The following SLC16A4 variants were observed in gnomAD, a reference collection of about 807,000 sequenced individuals.
SLC16A4 encodes solute carrier family 16 member 4, also known as probable monocarboxylate transporter 5.
SLC16A4 carries 39 observed loss-of-function variants against 47.9 expected under a neutral mutation model. The observed-to-expected ratio is 0.81, with a 90% CI of 0.63 to 1.06. The LOEUF (loss-of-function observed/expected upper bound fraction) is 1.06, where lower values mean the gene tolerates loss of function less well. SLC16A4 is among the 50% of genes least tolerant of loss of function. The pLI is 0.00. For missense variants in SLC16A4, 524 were observed against 573.8 expected (o/e 0.91, Z 0.89); for synonymous variants, 189 against 199.9 (o/e 0.95, Z 0.46).
Position 110,381,715 on chromosome 1 carries a change from A to G in SLC16A4, c.301T>C (p.Tyr101His). 6.2e-7 allele frequency: 1 copy of G among 1,613,856 alleles called. No homozygotes were observed. Among genetic ancestry groups the G allele is most frequent in the Non-Finnish European group, 8.5e-7 (1 of 1,179,894 alleles). ...ILGAFVVTGG[Y>H]LISSWATSIP... ...CTTGTGGCCCAGCTGCTGATCAGATATCCACCAGTAACAACGAAAGCCCCA... is the reference window on the plus strand; with the variant it reads ...CTTGTGGCCCAGCTGCTGATCAGATGTCCACCAGTAACAACGAAAGCCCCA... Residue 101 changes from tyrosine to histidine, a missense_variant, in exon 4 of 9, where the codon TAT (tyrosine) becomes CAT (histidine). Physicochemically the swap from Tyr to His is moderately conservative, Grantham distance 83. Coordinates refer to ENST00000369779, the MANE Select transcript of SLC16A4 (RefSeq NM_004696.3).
intron 6 of SLC16A4, among the ~76,000 whole-genome samples, 155 bp downstream of exon 6, chr1:110,378,698 C>T (rs189629644): frequency 6.6e-6 from 1 of 152,178 alleles, no homozygotes; most frequent in African/African-American, 2.4e-5. Context: ...CTGGGAAATG[C>T]CCAGGTGCTC....
In SLC16A4 at chr1:110,377,169, A is replaced by G. The variant is rs1662055385; in HGVS notation, c.1031-8T>C. 6.2e-7 allele frequency: 1 copy of G among 1,608,866 alleles called. No individual in the cohort carries two copies. Among genetic ancestry groups the G allele is most frequent in the South Asian group, 1.1e-5 (1 of 90,694 alleles). On this transcript the variant is annotated splice_region_variant and splice_polypyrimidine_tract_variant and intron_variant, in intron 6 of 8. Transcript: ENST00000369779. ...TGACCGTCTCAAGGATACCTGGAAC[A>G]ATATTGAAATCTTTTTATTTTCCTG...
intron 6 of SLC16A4, among the ~76,000 whole-genome samples, chr1:110,377,971 A>G (rs1419450103): frequency 2.0e-5 from 3 of 152,024 alleles, no homozygotes; most frequent in Non-Finnish European, 4.4e-5. Context: ...CTGCTACTAC[A>G]GGCGCCCGCA....
At chr1:110,365,358 G>A (rs1661325386) in intron 8 of SLC16A4, among the ~76,000 whole-genome samples, 1 of 151,882 alleles carries the variant, frequency 6.6e-6, no homozygotes, top group Non-Finnish European at 1.5e-5. Flanking sequence ...GGACACAGAG[G>A]AGATGAGACA....
Position 110,378,974 on chromosome 1 carries a change from T to A in SLC16A4, c.909A>T (p.Ile303=). ...ISLFRNPFFY[I]FTWSFLLSQL... is the part of the protein sequence containing the mutation. ...GACTGAGGAGAAAAGACCAAGTAAA[T>A]ATGTAGAAGAAAGGATTTCTAAAGA... The change falls in exon 6 of 9, where the codon ATA becomes ATT. Residue 303 remains isoleucine, a synonymous_variant. Transcript: ENST00000369779. The A allele has an allele frequency of 6.2e-7, 1 of 1,614,102 alleles. No homozygotes were observed. Among genetic ancestry groups the A allele is most frequent in the Non-Finnish European group, 8.5e-7 (1 of 1,180,008 alleles).
At chr1:110,369,769 T>G (rs975614085) in intron 8 of SLC16A4, among the ~76,000 whole-genome samples, 5 of 152,166 alleles carry the variant, frequency 3.3e-5, no homozygotes, top group African/African-American at 4.8e-5. Context: ...CTCTCATCCC[T>G]GGGGCCACTG....
At position 110,380,116 on chromosome 1, in the gene SLC16A4, A is replaced by G. The variant is rs369989098; in HGVS notation, c.527-760T>C. ...GGCATGGATAGCCTTTCATCCCATG[A>G]CATTTTTTAGATCTTCCTTAAAAGA... On this transcript the variant is annotated intron_variant, in intron 5 of 8. Coordinates refer to ENST00000369779, the MANE Select transcript of SLC16A4 (RefSeq NM_004696.3). Among the ~76,000 whole-genome samples the G allele has an allele frequency of 2.4e-4, 36 of 150,536 alleles. No individual in the cohort carries two copies. The South Asian group carries it at 6.1e-3, about 26-fold the overall frequency.
rs1437198556 is a variant in SLC16A4, at chr1:110,362,873, T to C, written c.*893A>G. 1 of 152,178 alleles carries C rather than the reference T, an allele frequency of 6.6e-6. No homozygotes were observed. Among genetic ancestry groups the C allele is most frequent in the Non-Finnish European group, 1.5e-5 (1 of 68,040 alleles). 9.4% of individuals were successfully genotyped at this position (152,178 alleles called of 1,614,324 possible). On this transcript the variant is annotated 3_prime_UTR_variant, in exon 9 of 9. Coordinates refer to ENST00000369779, the MANE Select transcript of SLC16A4 (RefSeq NM_004696.3). Reference sequence around the variant, plus strand: ...TTTTTAAAGCAATTTTTATATACTTTTTATTATTTAGCAATACATGTTTAT... The same window carrying C: ...TTTTTAAAGCAATTTTTATATACTTCTTATTATTTAGCAATACATGTTTAT...
At position 110,384,991 on chromosome 1, in the gene SLC16A4, CGACAGTGA is replaced by C. The variant is rs1662658362; in HGVS notation, c.88-2033_88-2026del. On this transcript the variant is annotated intron_variant, in intron 2 of 8. Transcript: ENST00000369779. ...TCACACTACTGCACTCCAGCCTGGG[CGACAGTGA>C]GACCTTGTCTCAAAATTAATAATAA... 2.0e-5 allele frequency among the ~76,000 whole-genome samples: 3 copies of C among 152,190 alleles called. No individual in the cohort carries two copies. In the South Asian group the frequency reaches 6.2e-4, roughly 32 times the overall value.
chr1:110,368,089 A>G (rs570308778), intron 8 of SLC16A4, among the ~76,000 whole-genome samples: 2 of 152,298 alleles, frequency 1.3e-5, no homozygotes, highest in South Asian at 2.1e-4. Context: ...CGGCCTCCCA[A>G]AGTGCTGGGA....
At chr1:110,371,575 G>T (rs775444750) in intron 8 of SLC16A4, 1 of 152,144 alleles carries the variant, frequency 6.6e-6, no homozygotes, top group African/African-American at 2.4e-5. Context: ...GAGAAATAAG[G>T]CTTAAAATAT....
intron 8 of SLC16A4, chr1:110,371,257 A>G (rs528773269): frequency 1.3e-5 from 2 of 152,336 alleles, no homozygotes; most frequent in East Asian, 3.8e-4. Flanking sequence ...TATGTATATT[A>G]GCATACTGTA....
chr1:110,383,300 T>C (rs568957853), intron 2 of SLC16A4, among the ~76,000 whole-genome samples: 2 of 152,306 alleles, frequency 1.3e-5, no homozygotes, highest in South Asian at 2.1e-4. Flanking sequence ...AAGACAGGAA[T>C]TGCAATAGAG....
At chr1:110,373,406 T>A (rs1375085549) in intron 8 of SLC16A4, among the ~76,000 whole-genome samples, 1 of 152,182 alleles carries the variant, frequency 6.6e-6, no homozygotes, top group East Asian at 1.9e-4. Context: ...TTCACTGTCC[T>A]GGGTACTAGC....
Position 110,378,869 on chromosome 1 carries a change from G to T in SLC16A4, c.1014C>A (p.Tyr338Ter). The T allele has an allele frequency of 3.1e-6, 5 of 1,612,732 alleles. No homozygotes were observed. Among genetic ancestry groups the T allele is most frequent in the Non-Finnish European group, 3.4e-6 (4 of 1,179,200 alleles). Residue 338 changes from tyrosine to a stop codon, truncating the protein, a stop_gained, in exon 6 of 9, where the codon TAC becomes TAA. Transcript: ENST00000369779. LOFTEE classifies it high-confidence loss of function. ...TLGIDIMDAS[Y>*]LVSVAGILET... is the part of the protein sequence containing the mutation. ...CTTTCTTACCTGCTACAGAAACAAGGTAAGAGGCATCCATGATGTCAATCC... is the reference window on the plus strand; with the variant it reads ...CTTTCTTACCTGCTACAGAAACAAGTTAAGAGGCATCCATGATGTCAATCC...
chr1:110,365,531 A>T (rs1324239125), intron 8 of SLC16A4, among the ~76,000 whole-genome samples: 1 of 152,208 alleles, frequency 6.6e-6, no homozygotes. Context: ...AGTGACCTCT[A>T]TTAAATGTTT....
intron 5 of SLC16A4, among the ~76,000 whole-genome samples, chr1:110,380,097 G>GAT (rs1277087088): frequency 2.2e-5 from 3 of 136,546 alleles, no homozygotes; most frequent in Non-Finnish European, 4.7e-5. Flanking sequence ...GGAAGGCATG[G>GAT]ATAGCCTTTC....
At position 110,363,895 on chromosome 1, in the gene SLC16A4, TG is replaced by T; in HGVS notation, c.1337-3del. ...TCTGGGTATAATCATATAACCAGCC[TG>T]GAAGGAAGGAATGATTTCTGTTAGG... is the stretch of plus-strand genomic sequence containing the variant. On this transcript the variant is annotated splice_polypyrimidine_tract_variant and splice_region_variant and intron_variant, in intron 8 of 8. Coordinates refer to ENST00000369779, the MANE Select transcript of SLC16A4 (RefSeq NM_004696.3). The T allele has an allele frequency of 6.3e-7, 1 of 1,597,002 alleles. No homozygotes were observed. Among genetic ancestry groups the T allele is most frequent in the South Asian group, 1.2e-5 (1 of 86,586 alleles).
intron 8 of SLC16A4, chr1:110,371,878 G>A (rs933371223): frequency 1.3e-5 from 2 of 152,142 alleles, no homozygotes; most frequent in Non-Finnish European, 2.9e-5. Flanking sequence ...TTACAGAGGA[G>A]GTGTGGGGAC....
Sources: allele counts gnomAD v4.1 joint callset (sites outside exome capture counted in the v4.1 genomes callset), GRCh38; gene constraint gnomAD v4.1.1; transcripts MANE v1.5; gene names NCBI Gene and HGNC (gene_info 2026-07-23, HGNC 2026-07-21).